Variants in COL4A1 observed in about 807,000 individuals in gnomAD.
COL4A1 encodes collagen type IV alpha 1 chain.
A neutral mutation model predicts 216.6 loss-of-function variants in COL4A1; 40 were observed. That is an observed-to-expected ratio of 0.18 (90% CI 0.14 to 0.24). The LOEUF (loss-of-function observed/expected upper bound fraction) is 0.24, where lower values mean the gene tolerates loss of function less well. Ranked by LOEUF, COL4A1 falls within the 10% of genes least tolerant of loss-of-function variation. The probability of loss-of-function intolerance (pLI) is 1.00; values close to 1 mark genes in which losing one functional copy is unlikely to be tolerated. For synonymous variants in COL4A1, 839 were observed against 810.7 expected (o/e 1.03, Z -0.59); for missense variants, 1,628 against 2,196.8 (o/e 0.74, Z 5.18).
chr13:110,222,721 C>T (rs1369262774), intron 2 of COL4A1, among the ~76,000 whole-genome samples: 2 of 120,934 alleles, frequency 1.7e-5, no homozygotes, highest in African/African-American at 5.9e-5. Context: ...TGCAGTGAGC[C>T]GAGATCGTGC....
chr13:110,195,044 T>A lies in COL4A1; in HGVS notation c.1360A>T (p.Ile454Leu), dbSNP rs373712845. 1.2e-6 allele frequency: 2 copies of A among 1,614,154 alleles called. No homozygotes were observed. The highest frequency in any genetic ancestry group is 1.7e-6 in the Non-Finnish European group (2 of 1,179,992). The change falls in exon 22 of 52, where the codon ATA becomes TTA. Residue 454 changes from isoleucine (I) to leucine (L), a missense_variant. Transcript: ENST00000375820. ...TTACCTTTCTCTCCAATTTCGCCTA[T>A]AAATCCTGGCTGCCCTGGAATTCCA... The part of the protein sequence containing the change: ...PPGIPGQPGF[I>L]GEIGEKGQKG...
intron 1 of COL4A1, among the ~76,000 whole-genome samples, chr13:110,289,493 C>A (rs983037909): frequency 1.3e-5 from 2 of 152,124 alleles, no homozygotes; most frequent in African/African-American, 4.8e-5. Flanking sequence ...TTCCTGTCTA[C>A]CTTCTCAGGA....
intron 19 of COL4A1, among the ~76,000 whole-genome samples, 187 bp from the exon 20 acceptor site, chr13:110,201,076 C>T (rs1457828589): frequency 6.6e-6 from 1 of 152,036 alleles, no homozygotes; most frequent in Non-Finnish European, 1.5e-5. Flanking sequence ...AAAGCTACAG[C>T]GAAGGGCTCC....
At chr13:110,274,832 G>A (rs972411389) in intron 1 of COL4A1, among the ~76,000 whole-genome samples, 3 of 152,182 alleles carry the variant, frequency 2.0e-5, no homozygotes, top group Admixed American at 6.5e-5. Flanking sequence ...CAGTGATTGT[G>A]CCAACGCCAG....
At chr13:110,248,401 C>G (rs919496777) in intron 1 of COL4A1, among the ~76,000 whole-genome samples, 3 of 152,314 alleles carry the variant, frequency 2.0e-5, no homozygotes, top group African/African-American at 4.8e-5. Flanking sequence ...GCTCCTTCCC[C>G]CAAATTCCAC....
At chr13:110,229,762 G>A (rs905099568) in intron 2 of COL4A1, among the ~76,000 whole-genome samples, 5 of 152,210 alleles carry the variant, frequency 3.3e-5, no homozygotes, top group South Asian at 4.1e-4. Flanking sequence ...CCTCCAGCAC[G>A]GGAGGAACAC....
intron 48 of COL4A1, chr13:110,161,934 C>G: frequency 4.4e-6 from 2 of 454,270 alleles, no homozygotes; most frequent in Non-Finnish European, 8.1e-6. Context: ...GAATCTTGAT[C>G]CTACTTGATA....
chr13:110,194,085 A>G (rs914066036), intron 22 of COL4A1, among the ~76,000 whole-genome samples: 1 of 152,222 alleles, frequency 6.6e-6, no homozygotes, highest in Non-Finnish European at 1.5e-5. Flanking sequence ...CCCATCTCAC[A>G]AAGTACTGAG....
At chr13:110,225,158 C>G (rs1212611700) in intron 2 of COL4A1, among the ~76,000 whole-genome samples, 1 of 152,166 alleles carries the variant, frequency 6.6e-6, no homozygotes, top group South Asian at 2.1e-4. Context: ...GTTCCCTTGC[C>G]AGGGTGTGCA....
intron 12 of COL4A1, among the ~76,000 whole-genome samples, chr13:110,208,428 T>G (rs1407587346): frequency 6.6e-6 from 1 of 152,034 alleles, no homozygotes; most frequent in Non-Finnish European, 1.5e-5. Context: ...GAGAGGCCGG[T>G]GGTGAGGGGC....
intron 24 of COL4A1, chr13:110,191,435 A>AG: frequency 2.5e-6 from 1 of 404,492 alleles, no homozygotes; most frequent in Non-Finnish European, 4.4e-6. Context: ...AAAATACGAG[A>AG]GGAACAATGC....
In COL4A1 at chr13:110,210,123, G is replaced by A; in HGVS notation, c.552+6C>T. On this transcript the variant is annotated splice_donor_region_variant and intron_variant, in intron 9 of 51. Coordinates refer to ENST00000375820, the MANE Select transcript of COL4A1 (RefSeq NM_001845.6). The stretch of plus-strand genomic sequence containing the variant: ...ACATGTTCATAATGATTCAGCAAAT[G>A]CTTACTGGAGTCCCTGGGATTCCGG... 6.2e-7 allele frequency: 1 copy of A among 1,614,076 alleles called. No homozygotes were observed. Among genetic ancestry groups the A allele is most frequent in the Non-Finnish European group, 8.5e-7 (1 of 1,179,968 alleles).
chr13:110,248,868 A>G (rs1186045543), intron 1 of COL4A1, among the ~76,000 whole-genome samples: 1 of 152,166 alleles, frequency 6.6e-6, no homozygotes, highest in Admixed American at 6.5e-5. Flanking sequence ...ATAACCACAC[A>G]CAGATGCAGC....
At chr13:110,280,026 C>G (rs1459399095) in intron 1 of COL4A1, among the ~76,000 whole-genome samples, 1 of 152,220 alleles carries the variant, frequency 6.6e-6, no homozygotes, top group Non-Finnish European at 1.5e-5. Context: ...TATTCCTTTC[C>G]TGTCTTACCC....
At chr13:110,227,144 G>T (rs1294285157) in intron 2 of COL4A1, among the ~76,000 whole-genome samples, 2 of 152,154 alleles carry the variant, frequency 1.3e-5, no homozygotes, top group Non-Finnish European at 2.9e-5. Context: ...TAAACTTACA[G>T]TATCATTTCC....
chr13:110,192,034 C>A (rs1287420649), intron 24 of COL4A1, among the ~76,000 whole-genome samples, 180 bp downstream of exon 24: 2 of 152,232 alleles, frequency 1.3e-5, no homozygotes, highest in Non-Finnish European at 2.9e-5. Context: ...GGGTAACAGT[C>A]TTGCTCATTC....
At chr13:110,154,987 T>C (rs1366834485) in intron 50 of COL4A1, among the ~76,000 whole-genome samples, 1 of 152,132 alleles carries the variant, frequency 6.6e-6, no homozygotes, top group African/African-American at 2.4e-5. Flanking sequence ...AGCACCTGAG[T>C]GGAGCAGCCA....
At chr13:110,230,170 G>GTT (rs2139230398) in intron 2 of COL4A1, among the ~76,000 whole-genome samples, 1 of 152,290 alleles carries the variant, frequency 6.6e-6, no homozygotes, top group African/African-American at 2.4e-5. Context: ...GCGTGTGTGT[G>GTT]TGAGTGTGTG....
chr13:110,276,788 ACT>A (rs1438672870), intron 1 of COL4A1, among the ~76,000 whole-genome samples: 4 of 152,072 alleles, frequency 2.6e-5, no homozygotes, highest in Admixed American at 1.3e-4. Context: ...ACAGTTCAAA[ACT>A]CTGCAGTATA....
Sources: allele counts gnomAD v4.1 joint callset (sites outside exome capture counted in the v4.1 genomes callset), GRCh38; gene constraint gnomAD v4.1.1; transcripts MANE v1.5; gene names NCBI Gene and HGNC (gene_info 2026-07-23, HGNC 2026-07-21).